Variants in CDKAL1 observed in about 807,000 individuals in gnomAD.
CDKAL1 encodes the protein CDKAL1 threonylcarbamoyladenosine tRNA methylthiotransferase, also known as threonylcarbamoyladenosine tRNA methylthiotransferase.
A neutral mutation model predicts 68.2 loss-of-function variants in CDKAL1; 32 were observed. The ratio of observed to expected loss-of-function variants is 0.47; its 90% CI spans 0.35 to 0.63. The LOEUF (loss-of-function observed/expected upper bound fraction) is 0.63. Ranked by LOEUF, CDKAL1 falls within the 30% of genes least tolerant of loss-of-function variation. CDKAL1 has a pLI of 0.00. For synonymous variants in CDKAL1, 234 were observed against 244.3 expected (o/e 0.96, Z 0.39); for missense variants, 606 against 696.7 (o/e 0.87, Z 1.47).
At chr6:20,882,682 TTAA>T (rs755739475) in intron 9 of CDKAL1, among the ~76,000 whole-genome samples, 27 of 152,290 alleles carry the variant, frequency 1.8e-4, no homozygotes, top group Non-Finnish European at 2.8e-4. Flanking sequence ...TTTTAATCTG[TTAA>T]TCACTTGAAG....
intron 9 of CDKAL1, among the ~76,000 whole-genome samples, chr6:20,943,348 AAAG>A: frequency 8.0e-6 from 1 of 125,576 alleles, no homozygotes; most frequent in Non-Finnish European, 1.6e-5. Context: ...AAAAAAAGAA[AAAG>A]AAAAAAAGAA....
At chr6:21,077,774 G>A (rs182911100) in intron 12 of CDKAL1, among the ~76,000 whole-genome samples, 1 of 152,288 alleles carries the variant, frequency 6.6e-6, no homozygotes, top group East Asian at 1.9e-4. Flanking sequence ...ATGAGATTTG[G>A]GTGGGGACAC....
chr6:20,810,703 C>G (rs1382297168), intron 8 of CDKAL1, among the ~76,000 whole-genome samples: 2 of 150,426 alleles, frequency 1.3e-5, no homozygotes, highest in African/African-American at 4.9e-5. Flanking sequence ...TATTCATTCT[C>G]TCTCCTCTCT....
chr6:20,765,200 A>C (rs1581535520), intron 7 of CDKAL1, among the ~76,000 whole-genome samples: 1 of 76,388 alleles, frequency 1.3e-5, no homozygotes, highest in Admixed American at 1.7e-4. Flanking sequence ...TCTGTCGCCC[A>C]GGCTGGAGTG....
At chr6:20,662,777 G>C (rs1489188188) in intron 5 of CDKAL1, among the ~76,000 whole-genome samples, 3 of 152,122 alleles carry the variant, frequency 2.0e-5, no homozygotes, top group Non-Finnish European at 4.4e-5. Flanking sequence ...GTGTCTGTCA[G>C]ATCAAATGTC....
chr6:20,936,608 T>C (rs1763727976), intron 9 of CDKAL1, among the ~76,000 whole-genome samples: 1 of 152,154 alleles, frequency 6.6e-6, no homozygotes, highest in Admixed American at 6.5e-5. Flanking sequence ...GACAACTACT[T>C]ACTAAATACC....
intron 15 of CDKAL1, among the ~76,000 whole-genome samples, chr6:21,224,096 A>G (rs1447341260): frequency 2.0e-5 from 3 of 152,142 alleles, no homozygotes; most frequent in African/African-American, 7.2e-5. Flanking sequence ...GGGGGCTCAC[A>G]TATGTCAGGA....
chr6:20,581,841 T>G (rs1334004578), intron 4 of CDKAL1, among the ~76,000 whole-genome samples: 1 of 152,246 alleles, frequency 6.6e-6, no homozygotes, highest in Non-Finnish European at 1.5e-5. Flanking sequence ...CCCAAGTTTT[T>G]GCTTTAGCAA....
At chr6:20,620,520 G>A (rs531433162) in intron 4 of CDKAL1, among the ~76,000 whole-genome samples, 14 of 152,130 alleles carry the variant, frequency 9.2e-5, no homozygotes, top group Non-Finnish European at 1.8e-4. Context: ...TAAGTATCTT[G>A]GCTAATGCCA....
At chr6:21,009,976 T>A (rs904856168) in intron 11 of CDKAL1, among the ~76,000 whole-genome samples, 1 of 152,302 alleles carries the variant, frequency 6.6e-6, no homozygotes, top group East Asian at 1.9e-4. Flanking sequence ...TATTTCCAAA[T>A]AGCTAGAAGA....
At chr6:21,166,024 A>T (rs1419991547) in intron 13 of CDKAL1, among the ~76,000 whole-genome samples, 1 of 152,214 alleles carries the variant, frequency 6.6e-6, no homozygotes, top group East Asian at 1.9e-4. Flanking sequence ...TTCCCGAATC[A>T]TCAGATAGGG....
intron 5 of CDKAL1, among the ~76,000 whole-genome samples, chr6:20,725,857 T>C (rs531223786): frequency 1.5e-4 from 22 of 151,526 alleles, no homozygotes; most frequent in African/African-American, 5.1e-4. Context: ...CTTGCCCAAA[T>C]TCTTATCTAA....
intron 9 of CDKAL1, among the ~76,000 whole-genome samples, chr6:20,867,083 C>G (rs1024535595): frequency 6.6e-6 from 1 of 152,132 alleles, no homozygotes; most frequent in African/African-American, 2.4e-5. Flanking sequence ...ATTTGAATTT[C>G]CTGAGGCTTC....
Position 20,950,732 on chromosome 6 carries a change from G to C in CDKAL1, c.743-4687G>C, listed in dbSNP as rs111835907. On this transcript the variant is annotated intron_variant, in intron 9 of 15. Transcript: ENST00000274695. ...GGTAATCCCAGCACTTCGGGAGGCTGAGGTGGGCGGATCACCTGAGGTCAG... is the reference window on the plus strand; with the variant it reads ...GGTAATCCCAGCACTTCGGGAGGCTCAGGTGGGCGGATCACCTGAGGTCAG... 1.2e-3 allele frequency among the ~76,000 whole-genome samples: 183 copies of C among 152,204 alleles called. 1 individual carries two copies. The highest frequency in any genetic ancestry group is 3.9e-3 in the African/African-American group (164 of 41,556).
At chr6:20,741,983 A>G (rs1773479371) in intron 6 of CDKAL1, among the ~76,000 whole-genome samples, 1 of 152,026 alleles carries the variant, frequency 6.6e-6, no homozygotes, top group Non-Finnish European at 1.5e-5. Flanking sequence ...TTATTTTTTG[A>G]CATTCTGATA....
chr6:20,808,316 G>T (rs951231832), intron 8 of CDKAL1, among the ~76,000 whole-genome samples: 2 of 152,012 alleles, frequency 1.3e-5, no homozygotes, highest in Non-Finnish European at 2.9e-5. Context: ...TCAATGAAAA[G>T]CTTATGGTAA....
At chr6:20,777,846 T>C (rs1380328720) in intron 7 of CDKAL1, among the ~76,000 whole-genome samples, 1 of 152,080 alleles carries the variant, frequency 6.6e-6, no homozygotes, top group Admixed American at 6.5e-5. Flanking sequence ...CAGTAAGAGA[T>C]TGACAACATT....
chr6:20,678,924 G>A (rs1770246314), intron 5 of CDKAL1, among the ~76,000 whole-genome samples: 1 of 152,202 alleles, frequency 6.6e-6, no homozygotes, highest in African/African-American at 2.4e-5. Context: ...TTTTGAGACA[G>A]GGTCTTCCTC....
chr6:20,620,140 G>A (rs1485732103), intron 4 of CDKAL1, among the ~76,000 whole-genome samples: 2 of 152,172 alleles, frequency 1.3e-5, no homozygotes, highest in Non-Finnish European at 2.9e-5. Context: ...CAAGGCTTGG[G>A]CTGAAAGCCT....
Sources: gnomAD v4.1 joint callset for allele counts (sites outside exome capture counted in the v4.1 genomes callset) on GRCh38, gnomAD v4.1.1 for gene constraint, MANE v1.5 for transcripts, NCBI Gene and HGNC (gene_info 2026-07-23, HGNC 2026-07-21) for gene names.